Variants in PLCB1 observed in about 807,000 individuals in gnomAD.
PLCB1 encodes 1-phosphatidylinositol 4,5-bisphosphate phosphodiesterase beta-1.
PLCB1 carries 46 observed loss-of-function variants against 161.8 expected under a neutral mutation model. The observed-to-expected ratio is 0.28, with a 90% CI of 0.22 to 0.36. PLCB1 has a LOEUF of 0.36. Ranked by LOEUF, PLCB1 falls within the 10% of genes least tolerant of loss-of-function variation. PLCB1 has a pLI of 1.00. For missense variants in PLCB1, 1,016 were observed against 1,472.5 expected, an observed-to-expected ratio of 0.69 and a Z score of 5.07; for synonymous variants, 517 against 503.7, an observed-to-expected ratio of 1.03 and a Z score of -0.35.
At chr20:8,650,208 A>G (rs1427096033) in intron 7 of PLCB1, among the ~76,000 whole-genome samples, 1 of 152,120 alleles carries the variant, frequency 6.6e-6, no homozygotes, top group Non-Finnish European at 1.5e-5. Flanking sequence ...GTGTTGAGTT[A>G]GGAGGCGAGA....
At chr20:8,877,018 A>G (rs1987804952) in intron 31 of PLCB1, among the ~76,000 whole-genome samples, 1 of 151,818 alleles carries the variant, frequency 6.6e-6, no homozygotes, top group Non-Finnish European at 1.5e-5. Flanking sequence ...CTGCAAAGTC[A>G]CACCACAAAG....
chr20:8,359,743 C>T (rs562613966), intron 2 of PLCB1, among the ~76,000 whole-genome samples: 4 of 152,062 alleles, frequency 2.6e-5, no homozygotes, highest in South Asian at 2.1e-4. Context: ...CCCCTAGTCT[C>T]GAATGCTCAT....
intron 3 of PLCB1, among the ~76,000 whole-genome samples, chr20:8,587,732 T>C (rs754396182): frequency 4.6e-5 from 7 of 152,220 alleles, no homozygotes. Context: ...GCAGAATTTG[T>C]TCATCCTGGA....
At chr20:8,166,964 A>T (rs1472179460) in intron 2 of PLCB1, among the ~76,000 whole-genome samples, 1 of 152,176 alleles carries the variant, frequency 6.6e-6, no homozygotes. Flanking sequence ...TAGCTCCCGT[A>T]TTAGGTTTTT....
intron 2 of PLCB1, among the ~76,000 whole-genome samples, chr20:8,269,511 A>G (rs532416638): frequency 6.6e-6 from 1 of 152,092 alleles, no homozygotes; most frequent in Non-Finnish European, 1.5e-5. Context: ...TGTAGACTGT[A>G]TTTTCTTATA....
chr20:8,330,277 T>C (rs1354386752), intron 2 of PLCB1, among the ~76,000 whole-genome samples: 2 of 152,238 alleles, frequency 1.3e-5, no homozygotes, highest in Non-Finnish European at 2.9e-5. Flanking sequence ...ACTCTCATTT[T>C]CCTTTTTAGA....
intron 9 of PLCB1, among the ~76,000 whole-genome samples, chr20:8,665,663 C>G (rs1024280075): frequency 6.6e-6 from 1 of 152,176 alleles, no homozygotes; most frequent in Non-Finnish European, 1.5e-5. Context: ...TTGACTCTTA[C>G]TATTTACTTC....
intron 31 of PLCB1, among the ~76,000 whole-genome samples, chr20:8,856,714 G>A (rs1052591426): frequency 6.6e-6 from 1 of 152,204 alleles, no homozygotes; most frequent in African/African-American, 2.4e-5. Context: ...CTTGGGTAGG[G>A]GACAGGATGG....
At chr20:8,284,618 C>T (rs1983027979) in intron 2 of PLCB1, among the ~76,000 whole-genome samples, 1 of 152,130 alleles carries the variant, frequency 6.6e-6, no homozygotes, top group East Asian at 1.9e-4. Flanking sequence ...GTTTTATCGT[C>T]CTGGCAGTTC....
intron 4 of PLCB1, among the ~76,000 whole-genome samples, chr20:8,631,662 G>T (rs777903466): frequency 6.6e-6 from 1 of 152,138 alleles, no homozygotes; most frequent in Non-Finnish European, 1.5e-5. Flanking sequence ...GCATTTTTCA[G>T]TAGACAGAGA....
At chr20:8,667,742 C>T (rs1465251196) in intron 9 of PLCB1, among the ~76,000 whole-genome samples, 2 of 152,146 alleles carry the variant, frequency 1.3e-5, no homozygotes, top group African/African-American at 4.8e-5. Flanking sequence ...GATAAGTGAG[C>T]TTGGTAGCCT....
chr20:8,840,785 C>A (rs1274787951), intron 31 of PLCB1, among the ~76,000 whole-genome samples: 1 of 151,314 alleles, frequency 6.6e-6, no homozygotes, highest in Non-Finnish European at 1.5e-5. Flanking sequence ...TAAATCACTT[C>A]CCCCCTTTTT....
intron 31 of PLCB1, among the ~76,000 whole-genome samples, chr20:8,805,453 A>G (rs1412481999): frequency 3.9e-5 from 6 of 152,230 alleles, no homozygotes; most frequent in Admixed American, 2.6e-4. Context: ...GGATATGCCA[A>G]TTTCAATAGA....
intron 2 of PLCB1, among the ~76,000 whole-genome samples, chr20:8,156,739 G>A (rs978447631): frequency 5.3e-5 from 8 of 152,030 alleles, no homozygotes; most frequent in African/African-American, 1.9e-4. Context: ...TCAAAGCCTT[G>A]GTTTCATTAT....
intron 3 of PLCB1, among the ~76,000 whole-genome samples, chr20:8,393,278 A>G (rs765407200): frequency 2.6e-5 from 4 of 152,190 alleles, no homozygotes; most frequent in Non-Finnish European, 5.9e-5. Context: ...AGCTCTGTGA[A>G]CAGTTATTGT....
chr20:8,236,933 C>A (rs534512291), intron 2 of PLCB1, among the ~76,000 whole-genome samples: 1 of 151,992 alleles, frequency 6.6e-6, no homozygotes, highest in African/African-American at 2.4e-5. Context: ...ATTATTTTCA[C>A]CCATAAAATT....
intron 3 of PLCB1, among the ~76,000 whole-genome samples, chr20:8,593,660 A>T (rs6140647): frequency 0.18 from 26,396 of 149,752 alleles, 2,252 homozygotes; most frequent in Middle Eastern, 0.22. Context: ...TTTTATTTTT[A>T]TTTTTTTAAT....
At chr20:8,299,714 C>T (rs545971714) in intron 2 of PLCB1, among the ~76,000 whole-genome samples, 34 of 152,286 alleles carry the variant, frequency 2.2e-4, no homozygotes, top group African/African-American at 7.2e-4. Flanking sequence ...AACTTAGTTG[C>T]CCAAACTGGA....
At chr20:8,668,120 G>A (rs578259158) in intron 9 of PLCB1, among the ~76,000 whole-genome samples, 1 of 152,066 alleles carries the variant, frequency 6.6e-6, no homozygotes, top group South Asian at 2.1e-4. Context: ...CAGATAAGTG[G>A]GAGGGAAATA....
Sources: allele counts gnomAD v4.1 joint callset (sites outside exome capture counted in the v4.1 genomes callset), GRCh38; gene constraint gnomAD v4.1.1; transcripts MANE v1.5; gene names NCBI Gene and HGNC (gene_info 2026-07-23, HGNC 2026-07-21).